CPEB1: variants seen among roughly 807,000 people sequenced by gnomAD.
CPEB1 encodes cytoplasmic polyadenylation element binding protein 1, also known as cytoplasmic polyadenylation element-binding protein 1.
In CPEB1, 7 loss-of-function variants were observed where a neutral mutation model predicts 65.8. The observed-to-expected ratio is 0.11, with a 90% CI of 0.06 to 0.20. CPEB1 has a LOEUF of 0.20. CPEB1 is among the 10% of genes least tolerant of loss of function. CPEB1 has a pLI of 1.00. For missense variants in CPEB1, 551 were observed against 712.2 expected (o/e 0.77, Z 2.58); for synonymous variants, 262 against 260.0 (o/e 1.01, Z -0.08).
At chr15:82,573,162 C>T (rs982807295) in intron 3 of CPEB1, 92 of 1,534,626 alleles carry the variant, frequency 6.0e-5, no homozygotes, top group Non-Finnish European at 7.2e-5. Flanking sequence ...GAACTTCCTG[C>T]AGTACACCCT....
At chr15:82,635,729 T>A (rs900797204) in intron 1 of CPEB1, among the ~76,000 whole-genome samples, 4 of 152,074 alleles carry the variant, frequency 2.6e-5, no homozygotes, top group Non-Finnish European at 5.9e-5. Context: ...GTTAGCTAAG[T>A]GGAGATCAAG....
chr15:82,555,885 G>A lies in CPEB1; in HGVS notation c.925C>T (p.His309Tyr). The change falls in exon 6 of 13, where the codon CAC (histidine) becomes TAC (tyrosine). Residue 309 changes from histidine to tyrosine, a missense_variant. His to Tyr is a moderately conservative substitution (Grantham distance 83). Coordinates refer to ENST00000684509, the MANE Select transcript of CPEB1 (RefSeq NM_001365242.1). ...GCACACTCACCTGCAGCTTGTCGGT[G>A]CAGCCTGGCCTCTCTCTCTATGCTG... ...PFSIEREARL[H>Y]RQAAAVNEAT... 1 of 1,612,024 alleles carries A rather than the reference G, an allele frequency of 6.2e-7. No individual in the cohort carries two copies. Among genetic ancestry groups the A allele is most frequent in the Non-Finnish European group, 8.5e-7 (1 of 1,179,200 alleles).
chr15:82,584,258 C>CAAAAAA (rs71156038), intron 3 of CPEB1, among the ~76,000 whole-genome samples: 4 of 53,298 alleles, frequency 7.5e-5, no homozygotes, highest in Non-Finnish European at 9.8e-5. Flanking sequence ...GACTCCGTCT[C>CAAAAAA]AAAAAAAAAA....
intron 1 of CPEB1, chr15:82,629,853 C>T (rs1426624165): frequency 1.2e-5 from 12 of 985,298 alleles, no homozygotes; most frequent in East Asian, 1.1e-4. Flanking sequence ...GTTTTACCAA[C>T]TCTGCAGGAT....
chr15:82,603,766 T>C (rs987438375), intron 3 of CPEB1, among the ~76,000 whole-genome samples: 1 of 152,146 alleles, frequency 6.6e-6, no homozygotes, highest in Non-Finnish European at 1.5e-5. Context: ...GAGACTTCAG[T>C]GGCCACATAT....
intron 3 of CPEB1, among the ~76,000 whole-genome samples, chr15:82,588,707 A>T (rs947617347): frequency 6.6e-6 from 1 of 152,218 alleles, no homozygotes; most frequent in East Asian, 1.9e-4. Flanking sequence ...AATCCAGTAC[A>T]TTTAAAATTG....
At chr15:82,598,401 G>C (rs1349348803) in intron 3 of CPEB1, among the ~76,000 whole-genome samples, 2 of 152,170 alleles carry the variant, frequency 1.3e-5, no homozygotes, top group Non-Finnish European at 2.9e-5. Context: ...GGCTGAAGCA[G>C]GAGAATCGCT....
At chr15:82,628,325 C>T (rs759760225) in intron 2 of CPEB1, 39 bp downstream of exon 2, 1 of 702,282 alleles carries the variant, frequency 1.4e-6, no homozygotes, top group African/African-American at 1.7e-5. Context: ...TGAAGATTTC[C>T]AAGACATGGA....
At chr15:82,557,241 G>A (rs1567175526) in intron 5 of CPEB1, among the ~76,000 whole-genome samples, 2 of 152,202 alleles carry the variant, frequency 1.3e-5, no homozygotes, top group Admixed American at 6.5e-5. Flanking sequence ...ATGTTTCATA[G>A]ATTCATCATG....
chr15:82,647,913 G>A (rs1596157867), upstream of CPEB1: 4 of 1,228,030 alleles, frequency 3.3e-6, no homozygotes, highest in African/African-American at 3.1e-5. Context: ...TGACCGGCCA[G>A]CCGGCGGGCG....
At chr15:82,638,188 C>T (rs2046823997) in intron 1 of CPEB1, among the ~76,000 whole-genome samples, 1 of 152,152 alleles carries the variant, frequency 6.6e-6, no homozygotes, top group Non-Finnish European at 1.5e-5. Flanking sequence ...ATTAATACTA[C>T]ACCAAAATTC....
chr15:82,560,715 G>C (rs962547346), intron 4 of CPEB1, among the ~76,000 whole-genome samples: 2 of 151,564 alleles, frequency 1.3e-5, no homozygotes, highest in African/African-American at 4.9e-5. Flanking sequence ...AAGGGTAACT[G>C]AGAGACACGG....
At chr15:82,544,763 G>C (rs968545307) in intron 12 of CPEB1, 61 bp from the exon 13 acceptor site, 137 of 1,269,484 alleles carry the variant, frequency 1.1e-4, no homozygotes, top group Non-Finnish European at 1.4e-4. Context: ...CACAGGAGCT[G>C]TTGCACGAGC....
At chr15:82,575,990 G>A (rs970278634) in intron 3 of CPEB1, among the ~76,000 whole-genome samples, 1 of 152,166 alleles carries the variant, frequency 6.6e-6, no homozygotes, top group Non-Finnish European at 1.5e-5. Context: ...ATTCAACTAA[G>A]AGGAGTAAAA....
chr15:82,563,305 A>G (rs1440832992), intron 4 of CPEB1, among the ~76,000 whole-genome samples: 1 of 151,376 alleles, frequency 6.6e-6, no homozygotes, highest in Non-Finnish European at 1.5e-5. Context: ...CTTTAAATTG[A>G]CTAAAGTTAA....
intron 4 of CPEB1, among the ~76,000 whole-genome samples, chr15:82,566,252 T>G (rs530048085): frequency 6.6e-6 from 1 of 152,044 alleles, no homozygotes; most frequent in Non-Finnish European, 1.5e-5. Context: ...CCCCAAGACA[T>G]GATGGTCAGA....
Position 82,579,918 on chromosome 15 carries a change from C to CAAAAAAAAAAAAAAAAAA in CPEB1, c.272-8404_272-8387dup, listed in dbSNP as rs59925251. The stretch of plus-strand genomic sequence containing the variant: ...TGGGCGACAGAGTGAGACTCCGTCT[C>CAAAAAAAAAAAAAAAAAA]AAAAAAAAAAAAAAAAAAAAAAAAA... On this transcript the variant is annotated intron_variant, in intron 3 of 12. Coordinates refer to ENST00000684509, the MANE Select transcript of CPEB1 (RefSeq NM_001365242.1). Among the ~76,000 whole-genome samples the CAAAAAAAAAAAAAAAAAA allele has an allele frequency of 9.2e-5, 3 of 32,680 alleles. 1 individual carries two copies. The highest frequency in any genetic ancestry group is 4.4e-4 in the Admixed American group (1 of 2,262). The allele number at this position is 32,680 out of a possible 152,430, so 21.4% of individuals were successfully genotyped here.
chr15:82,584,819 A>C (rs1046283636), intron 3 of CPEB1, among the ~76,000 whole-genome samples: 2 of 151,458 alleles, frequency 1.3e-5, no homozygotes, highest in Non-Finnish European at 2.9e-5. Context: ...CACGTTTGAA[A>C]AAAAAAACTG....
rs186860476 is a variant in CPEB1 at position 82,566,530 on chromosome 15, G to A, written c.460+4814C>T. ...CTCTATACCATATCTCTACTGTGGC[G>A]GTAAACAGAGTGTGGACTTCCCCCC... On this transcript the variant is annotated intron_variant, in intron 4 of 12. Transcript: ENST00000684509. Among the ~76,000 whole-genome samples, 10 of 152,194 alleles carry A rather than the reference G, an allele frequency of 6.6e-5. No individual in the cohort carries two copies. The East Asian group carries it at 1.4e-3, about 21-fold the overall frequency.
Sources: allele counts gnomAD v4.1 joint callset (sites outside exome capture counted in the v4.1 genomes callset), GRCh38; gene constraint gnomAD v4.1.1; transcripts MANE v1.5; gene names NCBI Gene and HGNC (gene_info 2026-07-23, HGNC 2026-07-21).